Variants in STRN observed in about 807,000 individuals in gnomAD.
STRN encodes protein phosphatase 2 regulatory subunit B'''alpha.
A neutral mutation model predicts 96.3 loss-of-function variants in STRN; 53 were observed. The observed-to-expected ratio is 0.55, with a 90% CI of 0.44 to 0.69. STRN has a LOEUF of 0.69. Among genes scored for constraint, STRN ranks in the 30% least tolerant of loss-of-function variants. The pLI, the probability that STRN is intolerant of heterozygous loss-of-function variation, is 0.00. For missense variants in STRN, 987 were observed against 963.9 expected (o/e 1.02, Z -0.32); for synonymous variants, 428 against 355.9 (o/e 1.20, Z -2.28).
At chr2:36,929,069 G>A (rs1670499338) in intron 1 of STRN, among the ~76,000 whole-genome samples, 1 of 151,956 alleles carries the variant, frequency 6.6e-6, no homozygotes, top group Non-Finnish European at 1.5e-5. Flanking sequence ...GAAAACTTTG[G>A]AATTATCTTC....
At chr2:36,856,364 G>T (rs1034612930) in intron 14 of STRN, among the ~76,000 whole-genome samples, 1 of 152,136 alleles carries the variant, frequency 6.6e-6, no homozygotes, top group Admixed American at 6.5e-5. Context: ...TAGCAGCCTT[G>T]TTCAAAATAG....
At chr2:36,952,748 T>C (rs1189497345) in intron 1 of STRN, among the ~76,000 whole-genome samples, 1 of 152,210 alleles carries the variant, frequency 6.6e-6, no homozygotes, top group East Asian at 1.9e-4. Flanking sequence ...GTTGAATTAC[T>C]AGGGCCATGG....
At chr2:36,861,046 C>A in intron 13 of STRN, 86 bp downstream of exon 13, 2 of 1,481,156 alleles carry the variant, frequency 1.4e-6, no homozygotes, top group South Asian at 1.4e-5. Context: ...TTTCAAAAAT[C>A]TCTTTATCTC....
chr2:36,882,902 C>T (rs1238774367), intron 9 of STRN, among the ~76,000 whole-genome samples: 1 of 152,174 alleles, frequency 6.6e-6, no homozygotes, highest in African/African-American at 2.4e-5. Flanking sequence ...GCATTTTACA[C>T]ATTTATAAAC....
At chr2:36,881,268 C>T (rs1219020899) in intron 9 of STRN, among the ~76,000 whole-genome samples, 2 of 151,884 alleles carry the variant, frequency 1.3e-5, no homozygotes, top group East Asian at 3.9e-4. Context: ...GCTGGGACTA[C>T]AGGCACACGC....
intron 8 of STRN, among the ~76,000 whole-genome samples, chr2:36,884,896 A>G (rs1669179871): frequency 6.6e-6 from 1 of 152,086 alleles, no homozygotes; most frequent in South Asian, 2.1e-4. Flanking sequence ...CTTCAGTTCT[A>G]TTTTTATCCT....
intron 6 of STRN, among the ~76,000 whole-genome samples, chr2:36,894,585 T>C (rs1303001819): frequency 1.3e-5 from 2 of 152,202 alleles, no homozygotes; most frequent in African/African-American, 2.4e-5. Context: ...TTATGAACTG[T>C]CTCCATCTCA....
At chr2:36,894,335 C>T (rs1280820950) in intron 6 of STRN, among the ~76,000 whole-genome samples, 1 of 152,176 alleles carries the variant, frequency 6.6e-6, no homozygotes, top group East Asian at 1.9e-4. Context: ...ATAATTATTT[C>T]TACTGTCCTA....
rs561570607 is a variant in STRN at position 36,907,521 on chromosome 2, G to A, written c.413-1903C>T. On this transcript the variant is annotated intron_variant, in intron 3 of 17. Coordinates refer to ENST00000263918, the MANE Select transcript of STRN (RefSeq NM_003162.4). ...CGAGATGATGCCACTGCACTCCAGC[G>A]TGGGTGACAGAGCAAGACTCTGTCT... Among the ~76,000 whole-genome samples, 9 of 151,954 alleles carry A rather than the reference G, an allele frequency of 5.9e-5. 1 individual carries two copies. Among genetic ancestry groups the A allele is most frequent in the East Asian group, 1.9e-4 (1 of 5,160 alleles).
chr2:36,897,684 G>A (rs575174028), intron 6 of STRN, among the ~76,000 whole-genome samples: 3 of 151,800 alleles, frequency 2.0e-5, no homozygotes, highest in Admixed American at 6.6e-5. Context: ...TGATCCATCC[G>A]TCTCGGCCTC....
chr2:36,941,916 A>G (rs1007674336), intron 1 of STRN, among the ~76,000 whole-genome samples: 7 of 152,046 alleles, frequency 4.6e-5, no homozygotes, highest in African/African-American at 1.7e-4. Flanking sequence ...GTTTACCACA[A>G]CTTACTTAAC....
chr2:36,852,783 C>T (rs1395237118), intron 15 of STRN, among the ~76,000 whole-genome samples: 1 of 152,092 alleles, frequency 6.6e-6, no homozygotes, highest in Non-Finnish European at 1.5e-5. Flanking sequence ...TCATGTGGCT[C>T]CTAGAAATAT....
At position 36,893,885 on chromosome 2, in the gene STRN, T is replaced by C; in HGVS notation, c.931+13A>G. 6.3e-7 allele frequency: 1 copy of C among 1,594,068 alleles called. No individual in the cohort carries two copies. The highest frequency in any genetic ancestry group is 8.5e-7 in the Non-Finnish European group (1 of 1,174,846). On this transcript the variant is annotated intron_variant, in intron 7 of 17. Transcript: ENST00000263918. The stretch of plus-strand genomic sequence containing the variant: ...ACTTAACATCTCTGGTTGGATCCAG[T>C]ATGCTTCCTTACCCCAGTCTGTTCC...
At chr2:36,857,574 T>A (rs2717496) in intron 14 of STRN, among the ~76,000 whole-genome samples, 1 of 151,830 alleles carries the variant, frequency 6.6e-6, no homozygotes, top group Non-Finnish European at 1.5e-5. Context: ...GCAGGAGAAT[T>A]GCTTGAAACT....
rs937024843 is a variant in STRN at position 36,889,078 on chromosome 2, T to C, written c.932-2252A>G. On this transcript the variant is annotated intron_variant, in intron 7 of 17. Transcript: ENST00000263918. ...TACTCTGTACTTTTTCTACTTTCCA[T>C]AGCATTTATCACCTTCTGACATACT... Among the ~76,000 whole-genome samples, 13 of 152,154 alleles carry C rather than the reference T, an allele frequency of 8.5e-5. 1 individual carries two copies. The highest frequency in any genetic ancestry group is 7.9e-4 in the Admixed American group (12 of 15,284).
At chr2:36,964,895 G>A (rs1485051407) in intron 1 of STRN, among the ~76,000 whole-genome samples, 1 of 152,178 alleles carries the variant, frequency 6.6e-6, no homozygotes, top group South Asian at 2.1e-4. Context: ...TAGACACACA[G>A]CTGGCACTCA....
At chr2:36,902,365 T>G (rs564059359) in intron 5 of STRN, among the ~76,000 whole-genome samples, 2 of 152,152 alleles carry the variant, frequency 1.3e-5, no homozygotes, top group Admixed American at 6.5e-5. Flanking sequence ...CTATTAAATA[T>G]CTGTATTAAA....
In STRN at chr2:36,966,503, C is replaced by A; in HGVS notation, c.-40G>T. On this transcript the variant is annotated 5_prime_UTR_variant, in exon 1 of 18. Coordinates refer to ENST00000263918, the MANE Select transcript of STRN (RefSeq NM_003162.4). ...CCCGGGGAGCTGCCCCGGCGCCCAG[C>A]AGCGGAGGCAACAGCGGCGGCAAGC... is the stretch of plus-strand genomic sequence containing the variant. 4 of 1,383,244 alleles carry A rather than the reference C, an allele frequency of 2.9e-6. No homozygotes were observed. The highest frequency in any genetic ancestry group is 1.6e-5 in the South Asian group (1 of 62,666). The allele number at this position is 1,383,244 out of a possible 1,614,324, so 85.7% of individuals were successfully genotyped here.
intron 1 of STRN, among the ~76,000 whole-genome samples, chr2:36,953,340 C>G (rs1233621772): frequency 6.6e-6 from 1 of 152,020 alleles, no homozygotes; most frequent in African/African-American, 2.4e-5. Flanking sequence ...AACAAATTTT[C>G]CTTCTTCCAT....
Sources: allele counts gnomAD v4.1 joint callset (sites outside exome capture counted in the v4.1 genomes callset), GRCh38; gene constraint gnomAD v4.1.1; transcripts MANE v1.5; gene names NCBI Gene and HGNC (gene_info 2026-07-23, HGNC 2026-07-21).